Variants in C12orf50 observed in about 807,000 individuals in gnomAD.
C12orf50 encodes uncharacterized protein C12orf50.
A neutral mutation model predicts 61.6 loss-of-function variants in C12orf50; 35 were observed. The ratio of observed to expected loss-of-function variants is 0.57; its 90% confidence interval spans 0.43 to 0.75. The LOEUF is 0.75. Ranked by LOEUF, C12orf50 falls within the 30% of genes least tolerant of loss-of-function variation. C12orf50 has a pLI of 0.00. For missense variants in C12orf50, 475 were observed against 488.5 expected (o/e 0.97, Z 0.26); for synonymous variants, 178 against 161.5 (o/e 1.10, Z -0.77).
At chr12:87,996,678 T>C in intron 4 of C12orf50, 32 bp from the exon 5 acceptor site, 1 of 1,499,388 alleles carries the variant, frequency 6.7e-7, no homozygotes, top group Non-Finnish European at 9.2e-7. Context: ...AATTAAATTG[T>C]CCCAAAGCCA....
intron 3 of C12orf50, among the ~76,000 whole-genome samples, chr12:88,003,435 C>G (rs2031730395): frequency 6.6e-6 from 1 of 152,052 alleles, no homozygotes; most frequent in Non-Finnish European, 1.5e-5. Context: ...GAAATACTGA[C>G]TCAGGTCACT....
At chr12:87,980,661 G>T (rs1005845839) in intron 12 of C12orf50, among the ~76,000 whole-genome samples, 2 of 152,052 alleles carry the variant, frequency 1.3e-5, no homozygotes, top group South Asian at 2.1e-4. Context: ...ACCTTCACTC[G>T]CACCAGCAAT....
At chr12:87,985,718 G>C in intron 11 of C12orf50, 132 bp downstream of exon 11, 4 of 834,364 alleles carry the variant, frequency 4.8e-6, no homozygotes, top group Non-Finnish European at 7.8e-6. Context: ...CCTCTCACTA[G>C]TTTCTATGGT....
At chr12:88,017,116 G>A (rs749042435) in intron 3 of C12orf50, among the ~76,000 whole-genome samples, 7 of 152,108 alleles carry the variant, frequency 4.6e-5, no homozygotes, top group Non-Finnish European at 7.4e-5. Flanking sequence ...GCAAGCATAC[G>A]GGTGTGTGAT....
chr12:87,986,502 T>C (rs2030833498), intron 9 of C12orf50, 86 bp from the exon 10 acceptor site: 1 of 890,926 alleles, frequency 1.1e-6, no homozygotes. Flanking sequence ...TATCTGTGCA[T>C]TCACATGTCA....
At position 87,996,439 on chromosome 12, in the gene C12orf50, C is replaced by T. The variant is rs983784487; in HGVS notation, c.416G>A (p.Ser139Asn). 9 of 1,613,196 alleles carry T rather than the reference C, an allele frequency of 5.6e-6. No individual in the cohort carries two copies. The highest frequency in any genetic ancestry group is 6.8e-6 in the Non-Finnish European group (8 of 1,179,540). The part of the protein sequence containing the change: ...HTPPDILSSK[S>N]MTPTAEKQLE... ...CTGTTTTTCTGCTGTAGGTGTCATG[C>T]TTTTTGATGACAAAATATCTGGAGG... The change falls in exon 6 of 13, where the codon AGC becomes AAC. Residue 139 changes from serine (S) to asparagine (N), a missense_variant. By Grantham distance (46) the Ser-to-Asn change is conservative (BLOSUM62 1). Transcript: ENST00000298699.
chr12:87,986,294 A>G lies in C12orf50; in HGVS notation c.922+18T>C. The G allele has an allele frequency of 6.7e-7, 1 of 1,501,578 alleles. No individual in the cohort carries two copies. Among genetic ancestry groups the G allele is most frequent in the Non-Finnish European group, 9.0e-7 (1 of 1,105,582 alleles). 93.0% of individuals were successfully genotyped at this position (1,501,578 alleles called of 1,614,324 possible). A position where few individuals can be genotyped will look rare whatever the true frequency, so the allele number is the denominator to read the frequency against. ...TTAAAATTACAATTTAGAAATATCA[A>G]ATATATAGACACCTTACCTCTCTGC... On this transcript the variant is annotated intron_variant, in intron 10 of 12. Coordinates refer to ENST00000298699, the MANE Select transcript of C12orf50 (RefSeq NM_152589.3).
At chr12:88,025,638 C>T (rs978641190) in intron 3 of C12orf50, among the ~76,000 whole-genome samples, 1 of 152,130 alleles carries the variant, frequency 6.6e-6, no homozygotes, top group African/African-American at 2.4e-5. Context: ...ACTCAGGAGG[C>T]TGAGGCATGA....
At position 87,994,735 on chromosome 12, in the gene C12orf50, G is replaced by A. The variant is rs1403587139; in HGVS notation, c.490C>T (p.Leu164Phe). The A allele has an allele frequency of 6.2e-7, 1 of 1,605,150 alleles. No individual in the cohort carries two copies. Among genetic ancestry groups the A allele is most frequent in the Non-Finnish European group, 8.5e-7 (1 of 1,173,128 alleles). ...TGGCTAAGTTTTGTCGGAACTGTAA[G>A]ACTATCTCCTAGAAATAAGAAGAAA... ...NGSELQEGDSLTVPTKLSQYE... is the reference protein window; with the variant it reads ...NGSELQEGDSFTVPTKLSQYE... Residue 164 changes from leucine (L) to phenylalanine (F), a missense_variant, in exon 7 of 13, where the codon CTT (leucine) becomes TTT (phenylalanine). Transcript: ENST00000298699.
intron 3 of C12orf50, among the ~76,000 whole-genome samples, chr12:88,007,036 C>A (rs894594552): frequency 6.6e-6 from 1 of 152,110 alleles, no homozygotes; most frequent in Non-Finnish European, 1.5e-5. Flanking sequence ...TTTCATCAAC[C>A]ATTGAAATCA....
Position 87,986,357 on chromosome 12 carries a change from T to C in C12orf50, c.877A>G (p.Ile293Val), listed in dbSNP as rs2030821376. 6.2e-7 allele frequency: 1 copy of C among 1,611,874 alleles called. No homozygotes were observed. The highest frequency in any genetic ancestry group is 8.5e-7 in the Non-Finnish European group (1 of 1,179,140). ...GGAAAGTTCTGTGGTTCATCATAAA[T>C]CCATTTTCTTTTCTTCACACCTTTA... Reference protein sequence around the residue: ...HFKGVKKRKWIYDEPQNFPNS... With the variant: ...HFKGVKKRKWVYDEPQNFPNS... The change falls in exon 10 of 13, where the codon ATT becomes GTT. Residue 293 changes from isoleucine to valine, a missense_variant. Ile to Val is a conservative substitution (Grantham distance 29). Transcript: ENST00000298699.
At chr12:88,004,297 G>T (rs2031769735) in intron 3 of C12orf50, among the ~76,000 whole-genome samples, 1 of 152,076 alleles carries the variant, frequency 6.6e-6, no homozygotes, top group Non-Finnish European at 1.5e-5. Flanking sequence ...ATGAAAAAAT[G>T]CTCATAGTCA....
chr12:88,012,486 G>C (rs2032149745), intron 3 of C12orf50, among the ~76,000 whole-genome samples: 1 of 152,156 alleles, frequency 6.6e-6, no homozygotes, highest in South Asian at 2.1e-4. Context: ...AAGAGTACAA[G>C]AAATGCTAAT....
chr12:87,982,254 C>A (rs2030520977), intron 12 of C12orf50, among the ~76,000 whole-genome samples: 1 of 152,174 alleles, frequency 6.6e-6, no homozygotes, highest in South Asian at 2.1e-4. Flanking sequence ...AAAATTCACA[C>A]AAAGTTAAAA....
chr12:88,007,531 G>A (rs545168667), intron 3 of C12orf50, among the ~76,000 whole-genome samples: 5 of 152,288 alleles, frequency 3.3e-5, no homozygotes, highest in South Asian at 2.1e-4. Context: ...ATGGTGCCTC[G>A]TTACTGTGCC....
At chr12:87,992,611 C>G (rs1269855079) in intron 7 of C12orf50, among the ~76,000 whole-genome samples, 1 of 151,886 alleles carries the variant, frequency 6.6e-6, no homozygotes, top group Non-Finnish European at 1.5e-5. Flanking sequence ...ACTAAGAGTT[C>G]AAACTGTATA....
intron 3 of C12orf50, among the ~76,000 whole-genome samples, chr12:88,007,456 G>T (rs889263654): frequency 6.6e-6 from 1 of 152,206 alleles, no homozygotes; most frequent in African/African-American, 2.4e-5. Context: ...AGTACTGGAG[G>T]TTGAGAAGTC....
intron 11 of C12orf50, 65 bp downstream of exon 11, chr12:87,985,785 G>A (rs2030779345): frequency 6.5e-7 from 1 of 1,538,704 alleles, no homozygotes; most frequent in African/African-American, 1.4e-5. Flanking sequence ...TAGCCAAGCT[G>A]TCAAGAAATT....
At chr12:88,027,854 A>G (rs1240245933) in intron 1 of C12orf50, 1 of 152,102 alleles carries the variant, frequency 6.6e-6, no homozygotes, top group Non-Finnish European at 1.5e-5. Flanking sequence ...GTTGTTCTTT[A>G]TCTTTTATCT....
Sources: allele counts gnomAD v4.1 joint callset (sites outside exome capture counted in the v4.1 genomes callset), GRCh38; gene constraint gnomAD v4.1.1; transcripts MANE v1.5; gene names NCBI Gene and HGNC (gene_info 2026-07-23, HGNC 2026-07-21).